ITIH3: variants seen among roughly 807,000 people sequenced by gnomAD.
ITIH3 encodes inter-alpha-trypsin inhibitor heavy chain 3, also known as inter-alpha-trypsin inhibitor heavy chain H3.
In ITIH3, 81 loss-of-function variants were observed where a neutral mutation model predicts 96.5. The ratio of observed to expected loss-of-function variants is 0.84; its 90% CI spans 0.70 to 1.01. The LOEUF is 1.01. ITIH3 is among the 50% of genes least tolerant of loss of function. The pLI is 0.00. For missense variants in ITIH3, 1,057 were observed against 1,139.3 expected, an observed-to-expected ratio of 0.93 and a Z score of 1.04; for synonymous variants, 422 against 445.2, an observed-to-expected ratio of 0.95 and a Z score of 0.66.
chr3:52,797,718 C>A lies in ITIH3; in HGVS notation c.550-99C>A, dbSNP rs561624588. ...GGCCCTCAGCACTGTCCTAGAGGGT[C>A]CCTGCATCACCACAGACCCATCTCA... On this transcript the variant is annotated intron_variant, in intron 5 of 21. Coordinates refer to ENST00000449956, the MANE Select transcript of ITIH3 (RefSeq NM_002217.4). 7.1e-4 allele frequency: 519 copies of A among 733,636 alleles called. 6 individuals carry two copies. The South Asian group carries it at 8.3e-3, about 12-fold the overall frequency. The allele number at this position is 733,636 out of a possible 1,614,324, so 45.4% of individuals were successfully genotyped here. A position where few individuals can be genotyped will look rare whatever the true frequency, so the allele number is the denominator to read the frequency against.
rs758669573 is a variant in ITIH3, at chr3:52,799,390, G to A, written c.808G>A (p.Val270Met). ...GNVQIVNGYF[V>M]HFFAPQGLPV... is the part of the protein sequence containing the mutation. The stretch of plus-strand genomic sequence containing the variant: ...TTTCCAGATAGTCAATGGCTACTTC[G>A]TGCACTTCTTTGCACCTCAAGGCCT... The change falls in exon 8 of 22, where the codon GTG becomes ATG. Residue 270 changes from valine (V) to methionine (M), a missense_variant. Transcript: ENST00000449956. 8.7e-6 allele frequency: 14 copies of A among 1,601,628 alleles called. No homozygotes were observed. The highest frequency in any genetic ancestry group is 1.1e-5 in the South Asian group (1 of 88,906).
chr3:52,799,750 C>A lies in ITIH3; in HGVS notation c.907-3C>A, dbSNP rs766811546. On this transcript the variant is annotated splice_polypyrimidine_tract_variant and splice_region_variant and intron_variant, in intron 8 of 21. Coordinates refer to ENST00000449956, the MANE Select transcript of ITIH3 (RefSeq NM_002217.4). Reference sequence around the variant, plus strand: ...TTCTCCCAGCTCTTTGTCTCTCCTCCAGACAAAGGAGGCCCTTCTCAGAAT... The same window carrying A: ...TTCTCCCAGCTCTTTGTCTCTCCTCAAGACAAAGGAGGCCCTTCTCAGAAT... 6.2e-7 allele frequency: 1 copy of A among 1,609,360 alleles called. No individual in the cohort carries two copies. Among genetic ancestry groups the A allele is most frequent in the Non-Finnish European group, 8.5e-7 (1 of 1,178,254 alleles).
chr3:52,808,744 A>G lies in ITIH3; in HGVS notation c.*63A>G. On this transcript the variant is annotated 3_prime_UTR_variant, in exon 22 of 22. Coordinates refer to ENST00000449956, the MANE Select transcript of ITIH3 (RefSeq NM_002217.4). ...ATTTTATGGCATCTGGAACATGGGC[A>G]CAGAGAGGGGCCTGTGGGAGGGGCT... The G allele has an allele frequency of 6.3e-7, 1 of 1,577,008 alleles. No individual in the cohort carries two copies. Among genetic ancestry groups the G allele is most frequent in the Non-Finnish European group, 8.7e-7 (1 of 1,149,496 alleles).
At chr3:52,800,480 G>A in intron 9 of ITIH3, 58 bp from the exon 10 acceptor site, 1 of 1,548,312 alleles carries the variant, frequency 6.5e-7, no homozygotes. Flanking sequence ...GCTCCAGCCT[G>A]TCTGCACACT....
chr3:52,806,453 G>C, intron 18 of ITIH3, 47 bp downstream of exon 18: 6 of 1,466,834 alleles, frequency 4.1e-6, no homozygotes, highest in Non-Finnish European at 5.6e-6. Flanking sequence ...CTTCCTGGGA[G>C]GGCTTGGGTC....
chr3:52,796,566 C>T lies in ITIH3; in HGVS notation c.200C>T (p.Ala67Val). The T allele has an allele frequency of 6.2e-7, 1 of 1,613,600 alleles. No individual in the cohort carries two copies. The highest frequency in any genetic ancestry group is 8.5e-7 in the Non-Finnish European group (1 of 1,179,740). ...RFAHNVVTMR[A>V]VNRADTAKEV... ...GCTCACAATGTTGTCACCATGAGAG[C>T]CGTCAACCGTGCAGACACGGCCAAG... The change falls in exon 3 of 22, where the codon GCC becomes GTC. Residue 67 changes from alanine (A) to valine (V), a missense_variant. Transcript: ENST00000449956.
chr3:52,807,160 G>T (rs1451183378), intron 19 of ITIH3, 55 bp downstream of exon 19: 3 of 1,434,570 alleles, frequency 2.1e-6, no homozygotes, highest in African/African-American at 2.8e-5. Flanking sequence ...GTCTAAGGAG[G>T]CTCTTGAGGG....
intron 6 of ITIH3, 26 bp downstream of exon 6, chr3:52,797,956 G>T: frequency 7.3e-7 from 1 of 1,377,948 alleles, no homozygotes; most frequent in East Asian, 2.4e-5. Flanking sequence ...CTCAGACCTG[G>T]TGGGGCAGGG....
At chr3:52,801,212 A>T (rs1699820373) in intron 11 of ITIH3, 66 bp downstream of exon 11, 2 of 1,365,680 alleles carry the variant, frequency 1.5e-6, no homozygotes, top group Non-Finnish European at 2.0e-6. Context: ...GCTGCTCCAT[A>T]AGGTGACAGT....
intron 7 of ITIH3, 123 bp from the exon 8 acceptor site, chr3:52,799,249 C>T: frequency 8.5e-7 from 1 of 1,180,598 alleles, no homozygotes; most frequent in Non-Finnish European, 1.2e-6. Context: ...GCAGCACCCC[C>T]TAGAGGGTGG....
chr3:52,805,662 C>T (rs901489163), intron 15 of ITIH3, 146 bp from the exon 16 acceptor site: 55 of 1,493,546 alleles, frequency 3.7e-5, no homozygotes, highest in Non-Finnish European at 4.7e-5. Flanking sequence ...ATTTCCAAAG[C>T]CTAATCTTTG....
chr3:52,797,262 T>C lies in ITIH3; in HGVS notation c.544T>C (p.Phe182Leu). 2 of 1,602,208 alleles carry C rather than the reference T, an allele frequency of 1.2e-6. No homozygotes were observed. Among genetic ancestry groups the C allele is most frequent in the Non-Finnish European group, 1.7e-6 (2 of 1,174,712 alleles). ...KVQPKQLVKH[F>L]EIEVDIFEPQ... ...CCAGCCTAAGCAACTGGTCAAACACTTTGAGGTAATCAACCGCCCCTGCAG... is the reference window on the plus strand; with the variant it reads ...CCAGCCTAAGCAACTGGTCAAACACCTTGAGGTAATCAACCGCCCCTGCAG... The change falls in exon 5 of 22, where the codon TTT (phenylalanine) becomes CTT (leucine). Residue 182 changes from phenylalanine to leucine, a missense_variant. Phe to Leu is a conservative substitution (Grantham distance 22, BLOSUM62 0). Transcript: ENST00000449956.
chr3:52,805,267 G>T (rs957017521), intron 15 of ITIH3: 6 of 1,005,940 alleles, frequency 6.0e-6, no homozygotes, highest in Non-Finnish European at 7.1e-6. Flanking sequence ...ACTAGGCAGG[G>T]CCTCCCCAGC....
In ITIH3 at chr3:52,797,828, C is replaced by T. The variant is rs921761354; in HGVS notation, c.561C>T (p.Asp187=). Residue 187 remains aspartate, a synonymous_variant, in exon 6 of 22, where the codon GAC becomes GAT. Coordinates refer to ENST00000449956, the MANE Select transcript of ITIH3 (RefSeq NM_002217.4). The part of the protein sequence containing the change: ...QLVKHFEIEV[D]IFEPQGISML... ...TTTGGCCATTTCAGATCGAGGTAGA[C>T]ATCTTCGAGCCTCAGGGAATCAGCA... 1 of 1,603,568 alleles carries T rather than the reference C, an allele frequency of 6.2e-7. No individual in the cohort carries two copies. Among genetic ancestry groups the T allele is most frequent in the African/African-American group, 1.3e-5 (1 of 74,768 alleles).
chr3:52,804,487 TGTG>T (rs1048429447), intron 14 of ITIH3: 68 of 546,688 alleles, frequency 1.2e-4, no homozygotes, highest in Non-Finnish European at 1.3e-5. Flanking sequence ...AGGGTCTGTG[TGTG>T]GTGGTGGAGG....
Position 52,803,316 on chromosome 3 carries a change from ATTATTATTATTTTTTT to A in ITIH3, c.1709+513_1710-521del, listed in dbSNP as rs1559472812. On this transcript the variant is annotated intron_variant, in intron 13 of 21. Transcript: ENST00000449956. Reference sequence around the variant, plus strand: ...TTTATTTATTTATTTATTTTATTTTATTATTATTATTTTTTTTTTTGAGACGGAGTCTCGCTCTGTC... The same window carrying A: ...TTTATTTATTTATTTATTTTATTTTATTTTGAGACGGAGTCTCGCTCTGTC... Among the ~76,000 whole-genome samples the A allele has an allele frequency of 2.9e-3, 328 of 112,968 alleles. 2 individuals carry two copies. The highest frequency in any genetic ancestry group is 0.019 in the African/African-American group (312 of 16,020). 74.1% of individuals were successfully genotyped at this position (112,968 alleles called of 152,430 possible). A position where few individuals can be genotyped will look rare whatever the true frequency, so the allele number is the denominator to read the frequency against.
In ITIH3 at chr3:52,807,865, T is replaced by A. The variant is rs765420156; in HGVS notation, c.2380T>A (p.Phe794Ile). Residue 794 changes from phenylalanine (F) to isoleucine (I), a missense_variant, in exon 20 of 22, where the codon TTC becomes ATC. By Grantham distance (21) the Phe-to-Ile change is conservative. Coordinates refer to ENST00000449956, the MANE Select transcript of ITIH3 (RefSeq NM_002217.4). ...TCCTGTCCACCGTGACTTTCTAGGC[T>A]TCTACGTGGTGGACAGTCACCGGAT... The part of the protein sequence containing the change: ...KHPVHRDFLG[F>I]YVVDSHRMSA... The A allele has an allele frequency of 5.6e-6, 9 of 1,612,322 alleles. No homozygotes were observed. The highest frequency in any genetic ancestry group is 5.1e-6 in the Non-Finnish European group (6 of 1,179,288).
At chr3:52,800,911 TCTAGA>T (rs1699806728) in intron 10 of ITIH3, 49 bp from the exon 11 acceptor site, 4 of 1,608,116 alleles carry the variant, frequency 2.5e-6, no homozygotes, top group Non-Finnish European at 3.4e-6. Context: ...ACAGAGCTGG[TCTAGA>T]CCATCCCCAG....
chr3:52,805,995 C>T (rs958068107), intron 16 of ITIH3, 108 bp from the exon 17 acceptor site: 45 of 1,481,290 alleles, frequency 3.0e-5, no homozygotes, highest in Non-Finnish European at 3.4e-5. Flanking sequence ...ATGGCATTAG[C>T]GAGCGGGAAG....
Sources: gnomAD v4.1 joint callset for allele counts (sites outside exome capture counted in the v4.1 genomes callset) on GRCh38, gnomAD v4.1.1 for gene constraint, MANE v1.5 for transcripts, NCBI Gene and HGNC (gene_info 2026-07-23, HGNC 2026-07-21) for gene names.